The following SEPHS1 variants were observed in gnomAD, a reference collection of about 807,000 sequenced individuals.
SEPHS1 encodes zincore component SEPHS1.
A neutral mutation model predicts 39.2 loss-of-function variants in SEPHS1; 7 were observed. The ratio of observed to expected loss-of-function variants is 0.18; its 90% CI spans 0.10 to 0.34. SEPHS1 has a LOEUF of 0.34. Among genes scored for constraint, SEPHS1 ranks in the 10% least tolerant of loss-of-function variants. The pLI is 1.00. For missense variants in SEPHS1, 253 were observed against 514.5 expected, an observed-to-expected ratio of 0.49 and a Z score of 4.92; for synonymous variants, 190 against 195.5, an observed-to-expected ratio of 0.97 and a Z score of 0.23.
intron 1 of SEPHS1, chr10:13,345,382 A>G (rs746702668): frequency 3.8e-5 from 6 of 156,450 alleles, no homozygotes; most frequent in Non-Finnish European, 8.4e-5. Flanking sequence ...TCAACCTGGA[A>G]GCACTGTGGT....
intron 2 of SEPHS1, 49 bp from the exon 3 acceptor site, chr10:13,338,857 T>C: frequency 7.5e-7 from 1 of 1,332,838 alleles, no homozygotes; most frequent in Non-Finnish European, 1.1e-6. Context: ...GGGAAAGCCA[T>C]TTCATTTTAT....
chr10:13,346,199 A>C (rs1024162003), intron 1 of SEPHS1, among the ~76,000 whole-genome samples: 3 of 152,060 alleles, frequency 2.0e-5, no homozygotes, highest in African/African-American at 7.2e-5. Context: ...TGGAACAAGC[A>C]CTCCTACGTT....
intron 5 of SEPHS1, among the ~76,000 whole-genome samples, chr10:13,332,931 T>A (rs1422366137): frequency 6.6e-6 from 1 of 151,866 alleles, no homozygotes; most frequent in Non-Finnish European, 1.5e-5. Context: ...CTTAAAAGTA[T>A]GCTAATACTA....
intron 3 of SEPHS1, among the ~76,000 whole-genome samples, chr10:13,337,676 C>G (rs1253845351): frequency 6.6e-6 from 1 of 152,132 alleles, no homozygotes; most frequent in Non-Finnish European, 1.5e-5. Context: ...ATTTAGCGCC[C>G]CTTCTGTTCT....
chr10:13,325,510 A>T (rs1458086022), intron 7 of SEPHS1, among the ~76,000 whole-genome samples: 1 of 152,188 alleles, frequency 6.6e-6, no homozygotes, highest in Admixed American at 6.5e-5. Flanking sequence ...CTGCTGCCTC[A>T]TGAAGAACCT....
chr10:13,347,417 G>C (rs1252108748), intron 1 of SEPHS1: 2 of 150,628 alleles, frequency 1.3e-5, no homozygotes, highest in Admixed American at 1.3e-4. Flanking sequence ...GGAAGGCCCA[G>C]CAGGCCCGGG....
chr10:13,338,946 T>C, intron 2 of SEPHS1, 138 bp from the exon 3 acceptor site: 4 of 681,930 alleles, frequency 5.9e-6, no homozygotes, highest in Non-Finnish European at 1.1e-5. Context: ...ATGTGTTTCC[T>C]ATCAAGAAGC....
intron 4 of SEPHS1, among the ~76,000 whole-genome samples, chr10:13,335,980 C>A (rs1363463454): frequency 0.024 from 2,223 of 92,326 alleles, no homozygotes; most frequent in Middle Eastern, 0.064. Flanking sequence ...ACTCCTGTCT[C>A]AAAAAAAAAA....
chr10:13,331,086 T>G (rs1356495090), intron 5 of SEPHS1, among the ~76,000 whole-genome samples: 7 of 151,956 alleles, frequency 4.6e-5, no homozygotes, highest in Admixed American at 4.6e-4. Context: ...CATGCGGCGT[T>G]TGGTTTTCTG....
chr10:13,348,228 C>CG lies in SEPHS1; in HGVS notation c.-308dup, dbSNP rs1834000773. Reference sequence around the variant, plus strand: ...GCCGCGCTCCCGCCGGCTGGGCGCGCGGGGGTCCTTTAAGGCCGGCCACCT... The same window carrying CG: ...GCCGCGCTCCCGCCGGCTGGGCGCGCGGGGGGTCCTTTAAGGCCGGCCACCT... On this transcript the variant is annotated 5_prime_UTR_variant, in exon 1 of 9. Transcript: ENST00000327347. 1 of 147,066 alleles carries CG rather than the reference C, an allele frequency of 6.8e-6. No individual in the cohort carries two copies. The highest frequency in any genetic ancestry group is 2.1e-4 in the South Asian group (1 of 4,722). The allele number at this position is 147,066 out of a possible 1,614,324, so 9.1% of individuals were successfully genotyped here.
intron 2 of SEPHS1, among the ~76,000 whole-genome samples, chr10:13,341,941 C>T (rs1416071060): frequency 6.9e-6 from 1 of 144,692 alleles, no homozygotes; most frequent in African/African-American, 2.6e-5. Flanking sequence ...CACCACTGTA[C>T]TCAAGCCTGG....
chr10:13,322,105 C>A (rs1833135248), intron 8 of SEPHS1: 1 of 444,156 alleles, frequency 2.3e-6, no homozygotes, highest in Admixed American at 2.6e-5. Flanking sequence ...GACATAATAT[C>A]CTATTGCATT....
chr10:13,328,915 C>G (rs1027472635), intron 6 of SEPHS1, among the ~76,000 whole-genome samples: 1 of 152,246 alleles, frequency 6.6e-6, no homozygotes, highest in Non-Finnish European at 1.5e-5. Flanking sequence ...GAGGGAAAAA[C>G]TGCTAAAGAA....
intron 3 of SEPHS1, among the ~76,000 whole-genome samples, chr10:13,336,820 A>G (rs1435634108): frequency 6.6e-6 from 1 of 152,168 alleles, no homozygotes; most frequent in Non-Finnish European, 1.5e-5. Context: ...GTGGTTATAG[A>G]GATGGAGATA....
chr10:13,337,275 C>G (rs536327611), intron 3 of SEPHS1, among the ~76,000 whole-genome samples: 1 of 152,064 alleles, frequency 6.6e-6, no homozygotes, highest in African/African-American at 2.4e-5. Flanking sequence ...ATATTGTTTT[C>G]AAAAGAAAAA....
chr10:13,332,872 T>C (rs1215492715), intron 5 of SEPHS1, among the ~76,000 whole-genome samples: 1 of 150,914 alleles, frequency 6.6e-6, no homozygotes, highest in African/African-American at 2.4e-5. Flanking sequence ...ACCTAAAATG[T>C]CTTAAAAATA....
intron 1 of SEPHS1, 188 bp from the exon 2 acceptor site, chr10:13,345,216 G>A (rs1220276353): frequency 6.7e-6 from 2 of 297,124 alleles, no homozygotes; most frequent in Non-Finnish European, 1.2e-5. Context: ...CGTCAGCACA[G>A]ACATCTATGT....
At position 13,338,816 on chromosome 10, in the gene SEPHS1, G is replaced by A. The variant is rs956484772; in HGVS notation, c.194-8C>T. On this transcript the variant is annotated splice_polypyrimidine_tract_variant and splice_region_variant and intron_variant, in intron 2 of 8. Transcript: ENST00000327347. ...AAGTATCCATTCCAATGCCTGTGGA[G>A]ATGGAAGTCATTAGCATCCAAAAAT... 1.3e-6 allele frequency: 2 copies of A among 1,597,292 alleles called. No individual in the cohort carries two copies. Among genetic ancestry groups the A allele is most frequent in the Non-Finnish European group, 8.6e-7 (1 of 1,164,668 alleles).
chr10:13,348,284 G>C lies in SEPHS1; in HGVS notation c.-363C>G, dbSNP rs1351486204. 2 of 150,762 alleles carry C rather than the reference G, an allele frequency of 1.3e-5. No individual in the cohort carries two copies. The highest frequency in any genetic ancestry group is 4.9e-5 in the African/African-American group (2 of 41,098). 9.3% of individuals were successfully genotyped at this position (150,762 alleles called of 1,614,324 possible). A position where few individuals can be genotyped will look rare whatever the true frequency, so the allele number is the denominator to read the frequency against. On this transcript the variant is annotated 5_prime_UTR_variant, in exon 1 of 9. Transcript: ENST00000327347. ...TAAGAGGCGGCCCTGGCTGCTGGGT[G>C]GCGGCGTGCGGCCCGGGAAGGGGGC...
Sources: gnomAD v4.1 joint callset for allele counts (sites outside exome capture counted in the v4.1 genomes callset) on GRCh38, gnomAD v4.1.1 for gene constraint, MANE v1.5 for transcripts, NCBI Gene and HGNC (gene_info 2026-07-23, HGNC 2026-07-21) for gene names.